SCN3A: variants seen among roughly 807,000 people sequenced by gnomAD.
The protein encoded by SCN3A is sodium voltage-gated channel alpha subunit 3, also known as sodium channel protein type 3 subunit alpha.
A neutral mutation model predicts 187.6 loss-of-function variants in SCN3A; 60 were observed. The ratio of observed to expected loss-of-function variants is 0.32; its 90% CI spans 0.26 to 0.40. The LOEUF is 0.40. Ranked by LOEUF, SCN3A falls within the 10% of genes least tolerant of loss-of-function variation. The pLI, the probability that SCN3A is intolerant of heterozygous loss-of-function variation, is 1.00. For synonymous variants in SCN3A, 788 were observed against 829.2 expected (o/e 0.95, Z 0.85); for missense variants, 1,601 against 2,428.2 (o/e 0.66, Z 7.16).
rs765624332 is a variant in SCN3A at position 165,090,363 on chromosome 2, C to T, written c.5790G>A (p.Glu1930=). ...GTAAGTCAATCCTCCCTTTAATTGC[C>T]TCTTTGTTATAGTTACTTGATATAT... The part of the protein sequence containing the change: ...LKNISSNYNK[E]AIKGRIDLPI... Residue 1930 remains glutamate, a synonymous_variant, in exon 28 of 28, where the codon GAG becomes GAA. Coordinates refer to ENST00000283254, the MANE Select transcript of SCN3A (RefSeq NM_006922.4). The surrounding 1 kb of genome is among the most constrained non-coding windows in gnomAD (Gnocchi z 4.0). 1 of 1,613,006 alleles carries T rather than the reference C, an allele frequency of 6.2e-7. No individual in the cohort carries two copies. Among genetic ancestry groups the T allele is most frequent in the Non-Finnish European group, 8.5e-7 (1 of 1,179,164 alleles).
intron 18 of SCN3A, among the ~76,000 whole-genome samples, chr2:165,123,164 C>A (rs796160034): frequency 2.6e-5 from 4 of 152,020 alleles, no homozygotes; most frequent in African/African-American, 9.6e-5. Context: ...CGCATAATTC[C>A]AAGTTTTTGC....
intron 21 of SCN3A, among the ~76,000 whole-genome samples, chr2:165,106,123 G>T (rs1388535386): frequency 6.6e-6 from 1 of 152,064 alleles, no homozygotes; most frequent in Non-Finnish European, 1.5e-5. Flanking sequence ...AGTAAAATCT[G>T]GTGCACTCAT....
chr2:165,180,397 G>C (rs1478813402), intron 2 of SCN3A, among the ~76,000 whole-genome samples: 1 of 152,114 alleles, frequency 6.6e-6, no homozygotes, highest in African/African-American at 2.4e-5. Context: ...TTCATAAAAA[G>C]TATCAATATG....
chr2:165,135,472 T>A (rs1238604935), intron 15 of SCN3A, among the ~76,000 whole-genome samples: 1 of 152,062 alleles, frequency 6.6e-6, no homozygotes, highest in African/African-American at 2.4e-5. Flanking sequence ...AATAAACTAG[T>A]CTGTAGATAT....
chr2:165,166,959 G>T (rs1689804178), intron 5 of SCN3A, among the ~76,000 whole-genome samples: 1 of 151,726 alleles, frequency 6.6e-6, no homozygotes, highest in South Asian at 2.1e-4. Context: ...GAATGCAGTG[G>T]TGGGATCTTG....
At position 165,112,969 on chromosome 2, in the gene SCN3A, C is replaced by T. The variant is rs746200633; in HGVS notation, c.3759G>A (p.Leu1253=). ...ADKVFTYIFI[L]EMLLKWVAYG... ...AAGCAACCCATTTGAGAAGCATTTC[C>T]AGAATGAATATATAGGTAAAGACTT... Residue 1253 remains leucine (L), a synonymous_variant, in exon 21 of 28, where the codon CTG becomes CTA. Coordinates refer to ENST00000283254, the MANE Select transcript of SCN3A (RefSeq NM_006922.4). 6.2e-7 allele frequency: 1 copy of T among 1,613,204 alleles called. No homozygotes were observed. Among genetic ancestry groups the T allele is most frequent in the Non-Finnish European group, 8.5e-7 (1 of 1,179,548 alleles).
At chr2:165,124,874 A>G (rs1043831862) in intron 18 of SCN3A, among the ~76,000 whole-genome samples, 2 of 152,076 alleles carry the variant, frequency 1.3e-5, no homozygotes, top group Non-Finnish European at 2.9e-5. Flanking sequence ...AACCTTTCTT[A>G]TCTTTCACTC....
chr2:165,150,853 T>G (rs1688648491), intron 11 of SCN3A, among the ~76,000 whole-genome samples: 1 of 152,206 alleles, frequency 6.6e-6, no homozygotes, highest in African/African-American at 2.4e-5. Context: ...TACAATCATA[T>G]GCAATTTATG....
At chr2:165,103,204 A>G (rs1685688167) in intron 21 of SCN3A, among the ~76,000 whole-genome samples, 2 of 152,308 alleles carry the variant, frequency 1.3e-5, no homozygotes, top group Admixed American at 6.5e-5. Flanking sequence ...AAGATTTGCA[A>G]CATACATAAA....
At chr2:165,121,091 C>T (rs1686653593) in intron 18 of SCN3A, among the ~76,000 whole-genome samples, 1 of 150,462 alleles carries the variant, frequency 6.6e-6, no homozygotes, top group African/African-American at 2.4e-5. Flanking sequence ...CAGAAGTACA[C>T]TAAAGCACCA....
intron 1 of SCN3A, among the ~76,000 whole-genome samples, chr2:165,202,884 C>A (rs1692408330): frequency 6.6e-6 from 1 of 152,112 alleles, no homozygotes; most frequent in African/African-American, 2.4e-5. Context: ...ATTTTTAAAA[C>A]TTATCTTTCA....
At chr2:165,161,137 C>CTTTTTTTTTTTTTTTTTTTTTTTTT (rs61608647) in intron 9 of SCN3A, among the ~76,000 whole-genome samples, 38 of 93,370 alleles carry the variant, frequency 4.1e-4, no homozygotes, top group Non-Finnish European at 4.7e-4. Context: ...TTCTTTCTTT[C>CTTTTTTTTTTTTTTTTTTTTTTTTT]TTTTTTTTTT....
At chr2:165,180,007 A>G (rs1268323174) in intron 2 of SCN3A, among the ~76,000 whole-genome samples, 2 of 152,090 alleles carry the variant, frequency 1.3e-5, no homozygotes, top group Admixed American at 1.3e-4. Flanking sequence ...AAAATTTAAT[A>G]TATCAAATTT....
intron 23 of SCN3A, 35 bp from the exon 24 acceptor site, chr2:165,096,555 A>G: frequency 6.7e-7 from 1 of 1,499,344 alleles, no homozygotes; most frequent in Non-Finnish European, 9.3e-7. Flanking sequence ...GTTCATAAAA[A>G]TTTCACCTAA....
At chr2:165,156,372 G>T (rs1689031781) in intron 9 of SCN3A, among the ~76,000 whole-genome samples, 1 of 151,244 alleles carries the variant, frequency 6.6e-6, no homozygotes, top group South Asian at 2.1e-4. Flanking sequence ...AATTAGCTGG[G>T]CGTTGTGGTG....
chr2:165,193,507 C>A (rs574939523), intron 1 of SCN3A, among the ~76,000 whole-genome samples: 2 of 152,194 alleles, frequency 1.3e-5, no homozygotes, highest in Admixed American at 1.3e-4. Context: ...CCTTTCCTAC[C>A]CCAACATCAG....
chr2:165,187,273 A>G (rs943929110), intron 1 of SCN3A, among the ~76,000 whole-genome samples: 2 of 152,196 alleles, frequency 1.3e-5, no homozygotes, highest in African/African-American at 4.8e-5. Context: ...TTCTAAGAGT[A>G]TATTTTAGAC....
chr2:165,181,714 T>C (rs1690887001), intron 2 of SCN3A, among the ~76,000 whole-genome samples: 1 of 152,160 alleles, frequency 6.6e-6, no homozygotes, highest in South Asian at 2.1e-4. Flanking sequence ...CCATAGTTTG[T>C]CAGTTATTCT....
intron 15 of SCN3A, among the ~76,000 whole-genome samples, chr2:165,131,749 C>A (rs1478584084): frequency 8.3e-6 from 1 of 120,374 alleles, no homozygotes; most frequent in Non-Finnish European, 1.7e-5. Flanking sequence ...TATCCCTCCC[C>A]CCTCCCCCGA....
Sources: gnomAD v4.1 joint callset for allele counts (sites outside exome capture counted in the v4.1 genomes callset) on GRCh38, gnomAD v4.1.1 for gene constraint, Gnocchi (gnomAD v3.1) non-coding constraint, MANE v1.5 for transcripts, NCBI Gene and HGNC (gene_info 2026-07-23, HGNC 2026-07-21) for gene names.